GNB1: variants seen among roughly 807,000 people sequenced by gnomAD.
GNB1 encodes the protein guanine nucleotide-binding protein G(I)/G(S)/G(T) subunit beta-1.
GNB1 carries 2 observed loss-of-function variants against 42.9 expected under a neutral mutation model. The observed-to-expected ratio is 0.05, with a 90% CI of 0.02 to 0.15. The LOEUF is 0.15. Ranked by LOEUF, GNB1 falls within the 10% of genes least tolerant of loss-of-function variation. GNB1 has a pLI of 1.00. For missense variants in GNB1, 193 were observed against 462.2 expected, an observed-to-expected ratio of 0.42 and a Z score of 5.34; for synonymous variants, 183 against 174.7, an observed-to-expected ratio of 1.05 and a Z score of -0.38.
At chr1:1,883,594 C>T (rs1649978237) in intron 1 of GNB1, among the ~76,000 whole-genome samples, 1 of 152,186 alleles carries the variant, frequency 6.6e-6, no homozygotes, top group Non-Finnish European at 1.5e-5. Context: ...CTCATTTAAT[C>T]CTCACAATGA....
intron 1 of GNB1, among the ~76,000 whole-genome samples, chr1:1,846,805 C>T (rs1399784294): frequency 6.6e-6 from 1 of 152,164 alleles, no homozygotes; most frequent in African/African-American, 2.4e-5. Flanking sequence ...AGCAATCCTC[C>T]TCCCTTGGCC....
chr1:1,844,832 T>C (rs1647534876), intron 1 of GNB1, among the ~76,000 whole-genome samples: 1 of 152,222 alleles, frequency 6.6e-6, no homozygotes. Context: ...GTGGTGCACA[T>C]GTAACATACT....
chr1:1,802,195 T>C (rs1340697965), intron 7 of GNB1, among the ~76,000 whole-genome samples: 2 of 152,096 alleles, frequency 1.3e-5, no homozygotes, highest in East Asian at 1.9e-4. Context: ...CTAATTAACA[T>C]GTATGTAGAA....
chr1:1,845,809 TTGTG>T (rs913102148), intron 1 of GNB1, among the ~76,000 whole-genome samples: 11 of 134,608 alleles, frequency 8.2e-5, no homozygotes, highest in African/African-American at 2.3e-4. Context: ...GTAGAATCAT[TTGTG>T]TGTAAGTCCA....
intron 1 of GNB1, among the ~76,000 whole-genome samples, chr1:1,877,361 C>T (rs1436745587): frequency 2.7e-5 from 4 of 149,316 alleles, no homozygotes; most frequent in East Asian, 1.9e-4. Flanking sequence ...ACCCCCAATC[C>T]GAGGAAAAAC....
At chr1:1,850,201 GCTCACCA>G (rs1647906174) in intron 1 of GNB1, among the ~76,000 whole-genome samples, 1 of 151,820 alleles carries the variant, frequency 6.6e-6, no homozygotes. Flanking sequence ...CGGGATCTTG[GCTCACCA>G]CAACCTCCGC....
In GNB1 at chr1:1,790,624, C is replaced by T; in HGVS notation, c.498-28G>A. 3 of 1,550,274 alleles carry T rather than the reference C, an allele frequency of 1.9e-6. No homozygotes were observed. The highest frequency in any genetic ancestry group is 2.7e-6 in the Non-Finnish European group (3 of 1,123,820). Reference sequence around the variant, plus strand: ...GGAGCAGGAGCGAATGACAAGGGGACATCAGCCTTAACTTCTTGGGTGGCT... The same window carrying T: ...GGAGCAGGAGCGAATGACAAGGGGATATCAGCCTTAACTTCTTGGGTGGCT... On this transcript the variant is annotated intron_variant, in intron 8 of 11. Coordinates refer to ENST00000378609, the MANE Select transcript of GNB1 (RefSeq NM_002074.5). The surrounding 1 kb of genome is among the most constrained non-coding windows in gnomAD (Gnocchi z 5.4).
chr1:1,817,625 T>C, intron 4 of GNB1: 1 of 450,390 alleles, frequency 2.2e-6, no homozygotes, highest in Non-Finnish European at 4.1e-6. Flanking sequence ...AGGTAGATGA[T>C]TATTCAAGGC....
chr1:1,856,856 A>T (rs1428823955), intron 1 of GNB1, among the ~76,000 whole-genome samples: 1 of 152,236 alleles, frequency 6.6e-6, no homozygotes, highest in Non-Finnish European at 1.5e-5. Context: ...TAAAACAAAA[A>T]ATATTATTAA....
chr1:1,818,732 G>A (rs1045291253), intron 3 of GNB1, among the ~76,000 whole-genome samples: 5 of 151,752 alleles, frequency 3.3e-5, no homozygotes, highest in Admixed American at 6.6e-5. Context: ...GTGTGGTGGC[G>A]CACGCCTGTA....
In GNB1 at chr1:1,790,018, C is replaced by G. The variant is rs1646460927; in HGVS notation, c.699+377G>C. Among the ~76,000 whole-genome samples the G allele has an allele frequency of 6.6e-6, 1 of 152,188 alleles. No homozygotes were observed. The highest frequency in any genetic ancestry group is 6.5e-5 in the Admixed American group (1 of 15,268). On this transcript the variant is annotated intron_variant, in intron 9 of 11. Transcript: ENST00000378609. This position sits in a 1 kb window ranked among gnomAD's most constrained non-coding sequence, Gnocchi z 5.4. Reference sequence around the variant, plus strand: ...CTAAGTCTCCTCACAAGGCCAGGGGCTGGAAACACTGCCTAGCCATCCGCG... The same window carrying G: ...CTAAGTCTCCTCACAAGGCCAGGGGGTGGAAACACTGCCTAGCCATCCGCG...
chr1:1,828,503 G>A (rs1413004780), intron 2 of GNB1, among the ~76,000 whole-genome samples: 1 of 152,076 alleles, frequency 6.6e-6, no homozygotes, highest in East Asian at 1.9e-4. Context: ...CTTGAGACTA[G>A]AGAAACAAAT....
intron 5 of GNB1, among the ~76,000 whole-genome samples, chr1:1,813,175 G>C (rs113790259): frequency 0.012 from 1,826 of 150,152 alleles, 22 homozygotes; most frequent in Non-Finnish European, 0.019. Flanking sequence ...TTTTGAGTCA[G>C]TGTCACTCTG....
intron 1 of GNB1, among the ~76,000 whole-genome samples, chr1:1,857,630 T>C (rs151239842): frequency 6.6e-5 from 10 of 152,188 alleles, no homozygotes; most frequent in African/African-American, 2.2e-4. Flanking sequence ...AATGACGATA[T>C]CTTTAACATG....
chr1:1,859,223 T>G (rs1354690921), intron 1 of GNB1, among the ~76,000 whole-genome samples: 1 of 152,110 alleles, frequency 6.6e-6, no homozygotes, highest in African/African-American at 2.4e-5. Flanking sequence ...GGTTTCACAA[T>G]GTTGGCCAGG....
intron 4 of GNB1, among the ~76,000 whole-genome samples, chr1:1,816,526 A>G (rs1039542701): frequency 2.0e-5 from 3 of 152,184 alleles, no homozygotes; most frequent in Non-Finnish European, 4.4e-5. Flanking sequence ...AACCTCAATT[A>G]AAGCACATCC....
intron 2 of GNB1, among the ~76,000 whole-genome samples, chr1:1,837,255 ATTT>A (rs35300114): frequency 1.4e-5 from 2 of 138,244 alleles, no homozygotes; most frequent in Non-Finnish European, 3.1e-5. Context: ...CATTGAGTTA[ATTT>A]TTTTTTTTTT....
At chr1:1,818,871 C>A (rs905509738) in intron 3 of GNB1, among the ~76,000 whole-genome samples, 3 of 151,580 alleles carry the variant, frequency 2.0e-5, no homozygotes, top group Admixed American at 6.6e-5. Context: ...TCAAAAAAAA[C>A]AAAAATAATA....
At chr1:1,811,129 A>T (rs1646772436) in intron 5 of GNB1, among the ~76,000 whole-genome samples, 1 of 147,896 alleles carries the variant, frequency 6.8e-6, no homozygotes, top group South Asian at 2.1e-4. Context: ...TCTGTTGCCC[A>T]GGCTGGAGTG....
Sources: gnomAD v4.1 joint callset for allele counts (sites outside exome capture counted in the v4.1 genomes callset) on GRCh38, gnomAD v4.1.1 for gene constraint, Gnocchi (gnomAD v3.1) non-coding constraint, MANE v1.5 for transcripts, NCBI Gene and HGNC (gene_info 2026-07-23, HGNC 2026-07-21) for gene names.